BRINP3: variants seen among roughly 807,000 people sequenced by gnomAD.
The protein encoded by BRINP3 is BMP/retinoic acid inducible neural specific 3, also known as BMP/retinoic acid-inducible neural-specific protein 3.
BRINP3 carries 19 observed loss-of-function variants against 71.0 expected under a neutral mutation model. That is an observed-to-expected ratio of 0.27 (90% CI 0.19 to 0.39). The LOEUF (loss-of-function observed/expected upper bound fraction) is 0.39. BRINP3 is among the 10% of genes least tolerant of loss of function. BRINP3 has a pLI of 1.00. For synonymous variants in BRINP3, 380 were observed against 337.7 expected, an observed-to-expected ratio of 1.13 and a Z score of -1.37; for missense variants, 959 against 940.8, an observed-to-expected ratio of 1.02 and a Z score of -0.25.
At chr1:190,181,368 A>G (rs1197269522) in intron 6 of BRINP3, among the ~76,000 whole-genome samples, 1 of 151,918 alleles carries the variant, frequency 6.6e-6, no homozygotes, top group Non-Finnish European at 1.5e-5. Context: ...TAAATAAAAT[A>G]AACCATTTCC....
chr1:190,200,770 G>T lies in BRINP3; in HGVS notation c.961+25312C>A, dbSNP rs192115248. On this transcript the variant is annotated intron_variant, in intron 6 of 7. Coordinates refer to ENST00000367462, the MANE Select transcript of BRINP3 (RefSeq NM_199051.3). ...GTGGATGGTTTCATGAGATATCATG[G>T]TTATAAAAAACAGGAGTATCTCAGC... Among the ~76,000 whole-genome samples, 22 of 152,154 alleles carry T rather than the reference G, an allele frequency of 1.4e-4. No individual in the cohort carries two copies. In the East Asian group the frequency reaches 4.3e-3, roughly 29 times the overall value.
intron 7 of BRINP3, among the ~76,000 whole-genome samples, chr1:190,133,748 C>T (rs1239188374): frequency 6.6e-6 from 1 of 151,954 alleles, no homozygotes; most frequent in Non-Finnish European, 1.5e-5. Flanking sequence ...TATTTAAGGA[C>T]ATATATCAAG....
chr1:190,442,797 TGTGC>T (rs1674916997), intron 2 of BRINP3, among the ~76,000 whole-genome samples: 1 of 130,936 alleles, frequency 7.6e-6, no homozygotes, highest in South Asian at 2.4e-4. Context: ...TCTTCATGCC[TGTGC>T]GTGTGTGTGT....
chr1:190,275,186 C>G (rs766919278), intron 3 of BRINP3, among the ~76,000 whole-genome samples: 1 of 151,392 alleles, frequency 6.6e-6, no homozygotes, highest in Non-Finnish European at 1.5e-5. Flanking sequence ...ATGAATCTAC[C>G]CTGAGTGAAA....
intron 2 of BRINP3, among the ~76,000 whole-genome samples, chr1:190,308,788 C>T (rs1665309119): frequency 6.6e-6 from 1 of 151,864 alleles, no homozygotes; most frequent in Middle Eastern, 3.2e-3. Context: ...GACTTTATAG[C>T]ATTGCCATAT....
rs1445525142 is a variant in BRINP3, at chr1:190,111,662, A to T, written c.1185-12528T>A. On this transcript the variant is annotated intron_variant, in intron 7 of 7. Coordinates refer to ENST00000367462, the MANE Select transcript of BRINP3 (RefSeq NM_199051.3). ...TTAGTCAACAGACATGGCTTACTCT[A>T]CTACTTTCTGCTACTCACCCTGAAA... Among the ~76,000 whole-genome samples, 4 of 152,106 alleles carry T rather than the reference A, an allele frequency of 2.6e-5. No homozygotes were observed. The South Asian group carries it at 8.3e-4, about 32-fold the overall frequency.
At chr1:190,446,775 A>C (rs987700736) in intron 2 of BRINP3, among the ~76,000 whole-genome samples, 3 of 152,042 alleles carry the variant, frequency 2.0e-5, no homozygotes, top group Non-Finnish European at 2.9e-5. Flanking sequence ...GAGTGAATAC[A>C]GTTGGTTTTT....
rs1661518377 is a variant in BRINP3 at position 190,264,900 on chromosome 1, G to A, written c.583C>T (p.Leu195Phe). 3 of 1,613,480 alleles carry A rather than the reference G, an allele frequency of 1.9e-6. No homozygotes were observed. The highest frequency in any genetic ancestry group is 2.7e-5 in the African/African-American group (2 of 74,888). ...GTGGATGCAATTTGAATGTGGTGAA[G>A]TCTCCGAAGGGTGCTGTCCCTGTCA... ...FIDRDSTLRR[L>F]HHIQIASTAI... The change falls in exon 4 of 8, where the codon CTT (leucine) becomes TTT (phenylalanine). Residue 195 changes from leucine (L) to phenylalanine (F), a missense_variant. Physicochemically the swap from Leu to Phe is conservative, Grantham distance 22. Transcript: ENST00000367462.
intron 2 of BRINP3, among the ~76,000 whole-genome samples, chr1:190,346,664 A>G (rs531057425): frequency 2.6e-5 from 4 of 152,156 alleles, no homozygotes; most frequent in African/African-American, 9.6e-5. Context: ...TAGAATATGC[A>G]TTTATATTTT....
At chr1:190,148,464 C>T (rs1337458748) in intron 7 of BRINP3, among the ~76,000 whole-genome samples, 2 of 151,300 alleles carry the variant, frequency 1.3e-5, no homozygotes, top group Non-Finnish European at 2.9e-5. Flanking sequence ...GGCGTGGTGG[C>T]GGGCGCCTGT....
chr1:190,344,397 G>A (rs1667874338), intron 2 of BRINP3, among the ~76,000 whole-genome samples: 1 of 151,814 alleles, frequency 6.6e-6, no homozygotes, highest in South Asian at 2.1e-4. Context: ...TGACGCTACA[G>A]AGCTGTACTT....
chr1:190,242,248 C>T (rs1258547585), intron 4 of BRINP3, among the ~76,000 whole-genome samples: 1 of 151,892 alleles, frequency 6.6e-6, no homozygotes, highest in Non-Finnish European at 1.5e-5. Flanking sequence ...AGTGAAAATT[C>T]ACATAAAAAT....
At chr1:190,456,801 AT>A in intron 1 of BRINP3, among the ~76,000 whole-genome samples, 1 of 152,096 alleles carries the variant, frequency 6.6e-6, no homozygotes, top group Non-Finnish European at 1.5e-5. Flanking sequence ...TAAATGAGTA[AT>A]TTTTCATTTC....
At chr1:190,405,189 C>T (rs1571965612) in intron 2 of BRINP3, among the ~76,000 whole-genome samples, 2 of 152,078 alleles carry the variant, frequency 1.3e-5, no homozygotes, top group East Asian at 1.9e-4. Context: ...CAGTGGCTCA[C>T]GCCTGTAATC....
At chr1:190,107,594 T>C (rs1035873388) in intron 7 of BRINP3, among the ~76,000 whole-genome samples, 4 of 152,038 alleles carry the variant, frequency 2.6e-5, no homozygotes, top group Non-Finnish European at 5.9e-5. Context: ...TCTTATCTTG[T>C]GATTTCAACT....
intron 6 of BRINP3, among the ~76,000 whole-genome samples, chr1:190,168,093 CAG>C (rs1651710387): frequency 6.6e-6 from 1 of 152,040 alleles, no homozygotes; most frequent in South Asian, 2.1e-4. Context: ...TTGTAATACA[CAG>C]ATAGTTCAAT....
At chr1:190,144,857 C>CA (rs1655753924) in intron 7 of BRINP3, among the ~76,000 whole-genome samples, 1 of 152,122 alleles carries the variant, frequency 6.6e-6, no homozygotes, top group Admixed American at 6.6e-5. Context: ...AGCCCCACTG[C>CA]ACCTCAGGAA....
chr1:190,124,821 T>C (rs1337258755), intron 7 of BRINP3, among the ~76,000 whole-genome samples: 1 of 152,076 alleles, frequency 6.6e-6, no homozygotes, highest in African/African-American at 2.4e-5. Flanking sequence ...TAAACAACTC[T>C]GCACCACTTA....
At position 190,178,663 on chromosome 1, in the gene BRINP3, G is replaced by A. The variant is rs565621235; in HGVS notation, c.962-17773C>T. On this transcript the variant is annotated intron_variant, in intron 6 of 7. Coordinates refer to ENST00000367462, the MANE Select transcript of BRINP3 (RefSeq NM_199051.3). ...TGACTGTTTTGCCAGCAGAGTGATAGAAATTGAATTCCATTTTTCTTACAG... is the reference window on the plus strand; with the variant it reads ...TGACTGTTTTGCCAGCAGAGTGATAAAAATTGAATTCCATTTTTCTTACAG... Among the ~76,000 whole-genome samples, 62 of 152,220 alleles carry A rather than the reference G, an allele frequency of 4.1e-4. 1 individual carries two copies. The South Asian group carries it at 8.9e-3, about 22-fold the overall frequency.
Sources: allele counts gnomAD v4.1 joint callset (sites outside exome capture counted in the v4.1 genomes callset), GRCh38; gene constraint gnomAD v4.1.1; transcripts MANE v1.5; gene names NCBI Gene and HGNC (gene_info 2026-07-23, HGNC 2026-07-21).